TRPM3: variants seen among roughly 807,000 people sequenced by gnomAD.
TRPM3 encodes the protein transient receptor potential cation channel subfamily M member 3, also known as long transient receptor potential channel 3.
A neutral mutation model predicts 181.2 loss-of-function variants in TRPM3; 77 were observed. The ratio of observed to expected loss-of-function variants is 0.42; its 90% confidence interval spans 0.35 to 0.51. The LOEUF is 0.51. Among genes scored for constraint, TRPM3 ranks in the 20% least tolerant of loss-of-function variants. The probability of loss-of-function intolerance (pLI) is 0.01; values close to 1 mark genes in which losing one functional copy is unlikely to be tolerated. For synonymous variants in TRPM3, 745 were observed against 796.4 expected, an observed-to-expected ratio of 0.94 and a Z score of 1.09; for missense variants, 1,759 against 2,196.7, an observed-to-expected ratio of 0.80 and a Z score of 3.98.
At chr9:71,241,770 C>T (rs1433900245) in intron 1 of TRPM3, among the ~76,000 whole-genome samples, 2 of 152,256 alleles carry the variant, frequency 1.3e-5, no homozygotes, top group Admixed American at 1.3e-4. Context: ...AACCTAAACT[C>T]ATCCTGCAAA....
intron 1 of TRPM3, among the ~76,000 whole-genome samples, chr9:71,432,296 T>A (rs1230828366): frequency 6.6e-6 from 1 of 150,748 alleles, no homozygotes; most frequent in African/African-American, 2.5e-5. Flanking sequence ...CCAACTGTAT[T>A]CAATGGGTAA....
chr9:70,932,248 C>T (rs2096782538), intron 1 of TRPM3, among the ~76,000 whole-genome samples: 2 of 152,034 alleles, frequency 1.3e-5, no homozygotes, highest in South Asian at 4.1e-4. Context: ...TTTCTTTAGA[C>T]TGATTGTGAT....
intron 7 of TRPM3, among the ~76,000 whole-genome samples, chr9:70,780,684 GA>G (rs1293375777): frequency 1.3e-5 from 2 of 152,092 alleles, no homozygotes; most frequent in African/African-American, 4.8e-5. Flanking sequence ...GTGGCACAGA[GA>G]AACATTCTGC....
intron 1 of TRPM3, among the ~76,000 whole-genome samples, chr9:71,401,090 C>T (rs964063627): frequency 1.4e-5 from 2 of 146,944 alleles, no homozygotes; most frequent in Admixed American, 7.0e-5. Flanking sequence ...CCCAGCTACT[C>T]GGGAGGCTGA....
intron 1 of TRPM3, among the ~76,000 whole-genome samples, chr9:71,257,330 A>T (rs118091222): frequency 2.0e-5 from 3 of 152,154 alleles, no homozygotes; most frequent in Non-Finnish European, 4.4e-5. Context: ...GAGTGTAAAG[A>T]AGAGAGAGTA....
intron 1 of TRPM3, among the ~76,000 whole-genome samples, chr9:70,893,225 T>C (rs543661405): frequency 1.3e-5 from 2 of 152,274 alleles, no homozygotes; most frequent in East Asian, 3.9e-4. Flanking sequence ...ATAACCATGC[T>C]AGGGAGGTTT....
At chr9:70,641,285 C>T (rs1429551905) in intron 9 of TRPM3, among the ~76,000 whole-genome samples, 1 of 152,156 alleles carries the variant, frequency 6.6e-6, no homozygotes, top group African/African-American at 2.4e-5. Context: ...TCACAAGATC[C>T]CAGATGACTT....
At chr9:70,949,263 G>T (rs1388206273) in intron 1 of TRPM3, among the ~76,000 whole-genome samples, 1 of 151,774 alleles carries the variant, frequency 6.6e-6, no homozygotes, top group Non-Finnish European at 1.5e-5. Context: ...TCACTATGTT[G>T]CCCAGGCTGT....
chr9:70,828,188 T>C (rs1004530787), intron 5 of TRPM3, among the ~76,000 whole-genome samples, 170 bp from the exon 6 acceptor site: 7 of 152,222 alleles, frequency 4.6e-5, no homozygotes, highest in African/African-American at 1.7e-4. Flanking sequence ...GCAAGATTTA[T>C]GGCAAAAGTT....
chr9:71,009,036 T>C (rs1426682468), intron 1 of TRPM3, among the ~76,000 whole-genome samples: 1 of 152,222 alleles, frequency 6.6e-6, no homozygotes, highest in Non-Finnish European at 1.5e-5. Flanking sequence ...CCTTTCATGA[T>C]AAAAACTCTC....
At chr9:71,144,030 G>C (rs1448689535) in intron 1 of TRPM3, among the ~76,000 whole-genome samples, 1 of 152,100 alleles carries the variant, frequency 6.6e-6, no homozygotes, top group Non-Finnish European at 1.5e-5. Context: ...CTTTTAAAAA[G>C]ATATATTCCA....
chr9:70,972,917 T>A lies in TRPM3; in HGVS notation c.178-108406A>T, dbSNP rs542424965. ...ATTACCCACAATTTCTGCCTTCCCA[T>A]GTTCTGACTTTGGAATCTAACCCCT... On this transcript the variant is annotated intron_variant, in intron 1 of 25. Coordinates refer to ENST00000677713, the MANE Select transcript of TRPM3 (RefSeq NM_001366145.2). 2.0e-5 allele frequency among the ~76,000 whole-genome samples: 3 copies of A among 152,290 alleles called. No homozygotes were observed. In the South Asian group the frequency reaches 6.2e-4, roughly 32 times the overall value.
At chr9:70,878,224 T>C (rs1265688153) in intron 1 of TRPM3, among the ~76,000 whole-genome samples, 1 of 152,080 alleles carries the variant, frequency 6.6e-6, no homozygotes, top group Non-Finnish European at 1.5e-5. Context: ...AGAAAACATT[T>C]CACTTTGCTT....
intron 1 of TRPM3, among the ~76,000 whole-genome samples, chr9:70,909,363 C>T (rs2096511330): frequency 6.6e-6 from 1 of 152,172 alleles, no homozygotes; most frequent in Non-Finnish European, 1.5e-5. Context: ...CTCTAGGTAA[C>T]TCCTAGAGGT....
chr9:70,685,351 A>G (rs1032675589), intron 8 of TRPM3, among the ~76,000 whole-genome samples: 2 of 150,954 alleles, frequency 1.3e-5, no homozygotes, highest in Admixed American at 6.6e-5. Flanking sequence ...GTTTCACTAT[A>G]TCAAAATCAT....
rs546577890 is a variant in TRPM3, at chr9:70,784,623, G to A, written c.974-344C>T. Among the ~76,000 whole-genome samples, 7 of 152,288 alleles carry A rather than the reference G, an allele frequency of 4.6e-5. No homozygotes were observed. The South Asian group carries it at 8.3e-4, about 18-fold the overall frequency. On this transcript the variant is annotated intron_variant, in intron 6 of 25. Coordinates refer to ENST00000677713, the MANE Select transcript of TRPM3 (RefSeq NM_001366145.2). ...AAGCACCAGACCAGCAACCAAGAGC[G>A]TGGAAGCTGAACATGATCTGAAGCA...
chr9:70,654,930 AC>A (rs2060092335), intron 9 of TRPM3, among the ~76,000 whole-genome samples: 1 of 150,326 alleles, frequency 6.7e-6, no homozygotes, highest in Non-Finnish European at 1.5e-5. Flanking sequence ...TGATCTGCCC[AC>A]CTTGGCCTCC....
chr9:71,034,174 G>T (rs772706011), intron 1 of TRPM3, among the ~76,000 whole-genome samples: 1 of 152,138 alleles, frequency 6.6e-6, no homozygotes, highest in Non-Finnish European at 1.5e-5. Flanking sequence ...CTTCGAAGCC[G>T]CAATCTCTGA....
At chr9:71,329,737 T>C (rs1333057086) in intron 1 of TRPM3, among the ~76,000 whole-genome samples, 3 of 152,148 alleles carry the variant, frequency 2.0e-5, no homozygotes, top group Admixed American at 1.3e-4. Flanking sequence ...GCATCCTTTA[T>C]CCTGAAGAAA....
Sources: allele counts gnomAD v4.1 joint callset (sites outside exome capture counted in the v4.1 genomes callset), GRCh38; gene constraint gnomAD v4.1.1; transcripts MANE v1.5; gene names NCBI Gene and HGNC (gene_info 2026-07-23, HGNC 2026-07-21).